The following PHF24 variants were observed in gnomAD, a reference collection of about 807,000 sequenced individuals.
PHF24 encodes Galpha inhibitory interacting protein.
In PHF24, 25 loss-of-function variants were observed where a neutral mutation model predicts 42.6. The observed-to-expected ratio is 0.59, with a 90% confidence interval of 0.43 to 0.82. PHF24 has a LOEUF of 0.82. Ranked by LOEUF, PHF24 falls within the 40% of genes least tolerant of loss-of-function variation. PHF24 has a pLI of 0.00. For missense variants in PHF24, 470 were observed against 538.1 expected, an observed-to-expected ratio of 0.87 and a Z score of 1.25; for synonymous variants, 185 against 204.8, an observed-to-expected ratio of 0.90 and a Z score of 0.83.
chr9:34,837,901 C>CA, the PHF24 span, among the ~76,000 whole-genome samples: 1 of 152,130 alleles, frequency 6.6e-6, no homozygotes, highest in East Asian at 1.9e-4. Flanking sequence ...GAGCCTTTTC[C>CA]AAATTCTATA....
the PHF24 span, among the ~76,000 whole-genome samples, chr9:34,778,259 C>T: frequency 4.6e-5 from 7 of 152,056 alleles, no homozygotes; most frequent in Non-Finnish European, 8.8e-5. Context: ...TAATGGCAGA[C>T]ATAAATCTAA....
chr9:34,710,141 G>A, the PHF24 span: 1 of 1,252,042 alleles, frequency 8.0e-7, no homozygotes, highest in Non-Finnish European at 1.2e-6. Context: ...GTCTGTGCGT[G>A]GGCTGGGATT....
chr9:34,860,979 AG>A, the PHF24 span, among the ~76,000 whole-genome samples: 1 of 152,194 alleles, frequency 6.6e-6, no homozygotes, highest in Non-Finnish European at 1.5e-5. Context: ...GCAGAGAGGT[AG>A]GGGGTCCAAG....
the PHF24 span, among the ~76,000 whole-genome samples, chr9:34,916,785 T>A: frequency 2.6e-5 from 4 of 152,220 alleles, no homozygotes; most frequent in Non-Finnish European, 5.9e-5. Flanking sequence ...TAGAAATGTT[T>A]TATTAAATCT....
chr9:34,783,649 A>G, the PHF24 span, among the ~76,000 whole-genome samples: 1 of 152,210 alleles, frequency 6.6e-6, no homozygotes, highest in South Asian at 2.1e-4. Context: ...AAATAAAATA[A>G]TCTTTTTCTT....
the PHF24 span, among the ~76,000 whole-genome samples, chr9:34,750,841 G>A: frequency 2.6e-5 from 4 of 151,962 alleles, no homozygotes; most frequent in Non-Finnish European, 5.9e-5. Context: ...AAAATGACAG[G>A]AGTAAGTCTT....
At chr9:34,813,444 T>C in the PHF24 span, among the ~76,000 whole-genome samples, 1 of 152,232 alleles carries the variant, frequency 6.6e-6, no homozygotes, top group African/African-American at 2.4e-5. Flanking sequence ...GGAGTCCAGC[T>C]TGATCCTTGC....
chr9:34,747,781 G>T, the PHF24 span, among the ~76,000 whole-genome samples: 1 of 152,044 alleles, frequency 6.6e-6, no homozygotes, highest in African/African-American at 2.4e-5. Context: ...CTGATGACCC[G>T]GAAATTCCAC....
chr9:34,866,165 A>C, the PHF24 span, among the ~76,000 whole-genome samples: 1 of 152,170 alleles, frequency 6.6e-6, no homozygotes. Context: ...ATTTCCTGCT[A>C]AACAAATACT....
At chr9:34,770,150 G>A in the PHF24 span, among the ~76,000 whole-genome samples, 2 of 152,068 alleles carry the variant, frequency 1.3e-5, no homozygotes, top group African/African-American at 4.8e-5. Flanking sequence ...TGAAAAAGTT[G>A]CAAACCTTAT....
At chr9:34,906,554 G>A in the PHF24 span, among the ~76,000 whole-genome samples, 1 of 148,316 alleles carries the variant, frequency 6.7e-6, no homozygotes. Flanking sequence ...GAATGCAGGT[G>A]AATCGCTTGA....
At chr9:34,899,729 G>A in the PHF24 span, among the ~76,000 whole-genome samples, 2 of 152,142 alleles carry the variant, frequency 1.3e-5, no homozygotes, top group African/African-American at 4.8e-5. Context: ...AACAGTAGAT[G>A]GCAGCCAGAG....
the PHF24 span, among the ~76,000 whole-genome samples, chr9:34,853,490 G>A: frequency 2.6e-5 from 4 of 152,144 alleles, no homozygotes; most frequent in Non-Finnish European, 5.9e-5. Context: ...ACGAGTTAGG[G>A]AGGAGTCCCT....
At chr9:34,737,363 C>A in the PHF24 span, among the ~76,000 whole-genome samples, 6,745 of 152,184 alleles carry the variant, frequency 0.044, 511 homozygotes, top group African/African-American at 0.15. Context: ...TGTTGTGGAA[C>A]CTATTACTAC....
At chr9:34,911,850 A>T in the PHF24 span, among the ~76,000 whole-genome samples, 1 of 152,214 alleles carries the variant, frequency 6.6e-6, no homozygotes, top group African/African-American at 2.4e-5. Context: ...GTTGGCTGTG[A>T]AGGAAAGTCA....
At chr9:34,771,797 C>T in the PHF24 span, among the ~76,000 whole-genome samples, 3 of 152,140 alleles carry the variant, frequency 2.0e-5, no homozygotes, top group Non-Finnish European at 2.9e-5. Context: ...TGAACCAGGG[C>T]TCGAACCCAG....
chr9:34,770,508 C>A, the PHF24 span, among the ~76,000 whole-genome samples: 6 of 151,854 alleles, frequency 4.0e-5, no homozygotes, highest in African/African-American at 1.5e-4. Flanking sequence ...CCCAATAATC[C>A]CAATTCTGAT....
rs768640028 is a variant in PHF24, at chr9:34,972,482, A to AG, written c.517dup (p.Val173GlyfsTer17). The AG allele has an allele frequency of 6.2e-7, 1 of 1,613,548 alleles. No homozygotes were observed. Among genetic ancestry groups the AG allele is most frequent in the Non-Finnish European group, 8.5e-7 (1 of 1,179,722 alleles). On this transcript the variant is annotated frameshift_variant, in exon 3 of 8. Coordinates refer to ENST00000242315, the Ensembl canonical transcript of PHF24. LOFTEE classifies it high-confidence loss of function. ...TACATCCAAGGAGACAGTGCAGCGG[A>AG]GGTGACGGAGATGGCCCACACAGAA...
At chr9:34,866,992 T>C in the PHF24 span, among the ~76,000 whole-genome samples, 75,092 of 152,058 alleles carry the variant, frequency 0.49, 19,155 homozygotes, top group Non-Finnish European at 0.56. Context: ...CTCTAGACTA[T>C]GAGGCATGAG....
Sources: gnomAD v4.1 joint callset for allele counts (sites outside exome capture counted in the v4.1 genomes callset) on GRCh38, gnomAD v4.1.1 for gene constraint, MANE v1.5 for transcripts, NCBI Gene and HGNC (gene_info 2026-07-23, HGNC 2026-07-21) for gene names.